The following CERS6 variants were observed in gnomAD, a reference collection of about 807,000 sequenced individuals.
The protein encoded by CERS6 is ceramide synthase 6, also known as LAG1 homolog, ceramide synthase 6.
Under a neutral mutation model 56.8 loss-of-function variants are expected in CERS6, and 26 were observed. The observed-to-expected ratio is 0.46, with a 90% CI of 0.34 to 0.63. The LOEUF (loss-of-function observed/expected upper bound fraction) is 0.63. Among genes scored for constraint, CERS6 ranks in the 30% least tolerant of loss-of-function variants. CERS6 has a pLI of 0.01. For missense variants in CERS6, 415 were observed against 467.5 expected (o/e 0.89, Z 1.04); for synonymous variants, 164 against 173.3 (o/e 0.95, Z 0.42).
rs1573997465 is a variant in CERS6 at position 168,460,966 on chromosome 2, G to A, written c.170+4348G>A. ...CACTAGCCTTGGGTGAGGCCTTCTAGGATAGTTGAGAGAGCGAGAGAGAGA... is the reference window on the plus strand; with the variant it reads ...CACTAGCCTTGGGTGAGGCCTTCTAAGATAGTTGAGAGAGCGAGAGAGAGA... On this transcript the variant is annotated intron_variant, in intron 1 of 9. Coordinates refer to ENST00000305747, the MANE Select transcript of CERS6 (RefSeq NM_203463.3). 2.0e-5 allele frequency among the ~76,000 whole-genome samples: 3 copies of A among 151,804 alleles called. No individual in the cohort carries two copies. The East Asian group carries it at 5.9e-4, about 30-fold the overall frequency.
intron 6 of CERS6, among the ~76,000 whole-genome samples, chr2:168,704,039 G>A (rs1246682394): frequency 6.6e-6 from 1 of 152,152 alleles, no homozygotes; most frequent in Non-Finnish European, 1.5e-5. Flanking sequence ...TGTTTCATGG[G>A]GTAATTTTTA....
In CERS6 at chr2:168,752,279, A is replaced by ATGTGTGTGTGTG. The variant is rs397870530; in HGVS notation, c.846-13285_846-13274dup. Among the ~76,000 whole-genome samples the ATGTGTGTGTGTG allele has an allele frequency of 8.2e-3, 1,085 of 132,582 alleles. 16 individuals carry two copies. The highest frequency in any genetic ancestry group is 0.01 in the African/African-American group (376 of 35,838). The allele number at this position is 132,582 out of a possible 152,430, so 87.0% of individuals were successfully genotyped here. A position where few individuals can be genotyped will look rare whatever the true frequency, so the allele number is the denominator to read the frequency against. On this transcript the variant is annotated intron_variant, in intron 8 of 9. Coordinates refer to ENST00000305747, the MANE Select transcript of CERS6 (RefSeq NM_203463.3). ...CAGACCCCATCTTTTAAAAAAATAA[A>ATGTGTGTGTGTG]TGTGTGTGTGTGTGTGTGTGTGTGT...
chr2:168,615,263 A>G (rs1255242060), intron 3 of CERS6, among the ~76,000 whole-genome samples: 1 of 152,156 alleles, frequency 6.6e-6, no homozygotes, highest in Non-Finnish European at 1.5e-5. Context: ...CACTCAAATG[A>G]GAAGGAACCA....
chr2:168,518,871 T>A (rs1324131614), intron 1 of CERS6, among the ~76,000 whole-genome samples: 1 of 151,980 alleles, frequency 6.6e-6, no homozygotes, highest in Non-Finnish European at 1.5e-5. Flanking sequence ...ATTCTCTTCC[T>A]CCTTTATGCA....
intron 8 of CERS6, among the ~76,000 whole-genome samples, chr2:168,757,357 G>T (rs1298815430): frequency 1.8e-5 from 2 of 113,164 alleles, no homozygotes; most frequent in Admixed American, 9.2e-5. Context: ...ACTTTTGGAG[G>T]AAAAAAAAAA....
intron 4 of CERS6, chr2:168,644,293 A>G (rs1052379661): frequency 1.0e-6 from 1 of 984,420 alleles, no homozygotes; most frequent in Non-Finnish European, 1.2e-6. Context: ...AAGATGAAGA[A>G]AGGAGGTGAA....
intron 3 of CERS6, among the ~76,000 whole-genome samples, chr2:168,592,545 G>A (rs1310045706): frequency 6.6e-6 from 1 of 152,146 alleles, no homozygotes; most frequent in Non-Finnish European, 1.5e-5. Context: ...GCATGGGGTG[G>A]AGGCAGGCTG....
chr2:168,471,410 T>C (rs1693976404), intron 1 of CERS6, among the ~76,000 whole-genome samples: 1 of 152,222 alleles, frequency 6.6e-6, no homozygotes, highest in South Asian at 2.1e-4. Context: ...TACATACTAC[T>C]TTTTAGTTTT....
intron 3 of CERS6, among the ~76,000 whole-genome samples, chr2:168,613,265 A>G (rs752115283): frequency 2.0e-5 from 3 of 152,180 alleles, no homozygotes; most frequent in Admixed American, 6.5e-5. Flanking sequence ...TCCAAATGAC[A>G]TTGGGTGTCC....
chr2:168,744,371 C>CTT (rs34015584), intron 8 of CERS6, among the ~76,000 whole-genome samples: 20 of 149,192 alleles, frequency 1.3e-4, no homozygotes, highest in African/African-American at 4.4e-4. Flanking sequence ...ATAAGTACAC[C>CTT]TTTTTTTTTT....
At chr2:168,707,484 A>G (rs1686986294) in intron 6 of CERS6, among the ~76,000 whole-genome samples, 2 of 152,192 alleles carry the variant, frequency 1.3e-5, no homozygotes, top group African/African-American at 2.4e-5. Context: ...TCCTGTAAAT[A>G]TTTATCTTAG....
chr2:168,670,966 T>TAC (rs1685893976), intron 4 of CERS6, among the ~76,000 whole-genome samples: 3 of 30,518 alleles, frequency 9.8e-5, no homozygotes, highest in Admixed American at 6.0e-4. Context: ...GATACATGCT[T>TAC]CCCCCCCCCC....
At chr2:168,764,647 A>G (rs777570550) in intron 8 of CERS6, among the ~76,000 whole-genome samples, 29 of 152,064 alleles carry the variant, frequency 1.9e-4, no homozygotes, top group Non-Finnish European at 4.0e-4. Context: ...TGTGCTAGGC[A>G]TATGGCTTGT....
intron 1 of CERS6, among the ~76,000 whole-genome samples, chr2:168,529,556 T>C (rs912628965): frequency 6.6e-6 from 1 of 152,112 alleles, no homozygotes; most frequent in Admixed American, 6.5e-5. Context: ...AGTATTAATA[T>C]CTAGGCCAAA....
intron 6 of CERS6, among the ~76,000 whole-genome samples, chr2:168,695,416 C>A (rs1238361852): frequency 6.6e-6 from 1 of 152,100 alleles, no homozygotes; most frequent in Non-Finnish European, 1.5e-5. Flanking sequence ...AGTGTTTCAA[C>A]CCTACAGAAT....
chr2:168,729,608 G>A (rs1387196419), intron 8 of CERS6, among the ~76,000 whole-genome samples: 1 of 152,172 alleles, frequency 6.6e-6, no homozygotes, highest in Non-Finnish European at 1.5e-5. Flanking sequence ...CCAGAGTGCA[G>A]GGCTCTGTGG....
At chr2:168,542,777 G>A (rs573888668) in intron 1 of CERS6, among the ~76,000 whole-genome samples, 10 of 152,168 alleles carry the variant, frequency 6.6e-5, no homozygotes, top group African/African-American at 2.4e-4. Context: ...GCCCACTGCA[G>A]CCTCTGCCTC....
In CERS6 at chr2:168,486,518, G is replaced by GTTTTTTTTTTTTTTTTTTTTTTTTTT. The variant is rs1491580943; in HGVS notation, c.170+29900_170+29901insTTTTTTTTTTTTTTTTTTTTTTTTTT. On this transcript the variant is annotated intron_variant, in intron 1 of 9. Transcript: ENST00000305747. ...ATTTTTGTTAAAGGTGTCTAGATTT[G>GTTTTTTTTTTTTTTTTTTTTTTTTTT]GTTTTGTTTTTTTTTTTTTTGCCTA... Among the ~76,000 whole-genome samples the GTTTTTTTTTTTTTTTTTTTTTTTTTT allele has an allele frequency of 7.2e-4, 98 of 136,266 alleles. 3 individuals carry two copies. Among genetic ancestry groups the GTTTTTTTTTTTTTTTTTTTTTTTTTT allele is most frequent in the East Asian group, 3.8e-3 (17 of 4,502 alleles). The allele number at this position is 136,266 out of a possible 152,430, so 89.4% of individuals were successfully genotyped here. A position where few individuals can be genotyped will look rare whatever the true frequency, so the allele number is the denominator to read the frequency against.
At chr2:168,599,608 A>G (rs936264285) in intron 3 of CERS6, among the ~76,000 whole-genome samples, 3 of 152,222 alleles carry the variant, frequency 2.0e-5, no homozygotes, top group African/African-American at 7.2e-5. Flanking sequence ...TTCTTGAGAG[A>G]TAACTTCAGG....
Sources: gnomAD v4.1 joint callset for allele counts (sites outside exome capture counted in the v4.1 genomes callset) on GRCh38, gnomAD v4.1.1 for gene constraint, MANE v1.5 for transcripts, NCBI Gene and HGNC (gene_info 2026-07-23, HGNC 2026-07-21) for gene names.